HSPA4L: variants seen among roughly 807,000 people sequenced by gnomAD.
The protein encoded by HSPA4L is heat shock protein family A (Hsp70) member 4 like.
Under a neutral mutation model 100.3 loss-of-function variants are expected in HSPA4L, and 48 were observed. The observed-to-expected ratio is 0.48, with a 90% confidence interval of 0.38 to 0.61. The LOEUF (loss-of-function observed/expected upper bound fraction) is 0.61, where lower values mean the gene tolerates loss of function less well. Ranked by LOEUF, HSPA4L falls within the 20% of genes least tolerant of loss-of-function variation. The probability of loss-of-function intolerance (pLI) is 0.00; values close to 1 mark genes in which losing one functional copy is unlikely to be tolerated. For missense variants in HSPA4L, 886 were observed against 988.6 expected (o/e 0.90, Z 1.39); for synonymous variants, 319 against 328.2 (o/e 0.97, Z 0.30).
chr4:127,823,547 GAC>G lies in HSPA4L; in HGVS notation c.1973_1974del (p.Thr658ArgfsTer6). 6.2e-7 allele frequency: 1 copy of G among 1,613,142 alleles called. No homozygotes were observed. The highest frequency in any genetic ancestry group is 8.5e-7 in the Non-Finnish European group (1 of 1,179,202). ...GAGTAAACTGTCTGCAGTATTGGAA[GAC>G]ACAGAAAATTGGCTTTATGAAGACG... ...DLSKLSAVLE[D>X]TENWLYEDGE... On this transcript the variant is annotated frameshift_variant, in exon 16 of 19. Coordinates refer to ENST00000296464, the MANE Select transcript of HSPA4L (RefSeq NM_014278.4). LOFTEE classifies it high-confidence loss of function.
At chr4:127,802,780 T>C (rs993820528) in intron 6 of HSPA4L, among the ~76,000 whole-genome samples, 1 of 152,164 alleles carries the variant, frequency 6.6e-6, no homozygotes, top group Admixed American at 6.6e-5. Context: ...ATACTAGACT[T>C]CATGAGAGGT....
At chr4:127,783,513 A>G (rs1319417829) in intron 1 of HSPA4L, 6 of 1,481,246 alleles carry the variant, frequency 4.1e-6, no homozygotes, top group Non-Finnish European at 5.3e-6. Context: ...TCATGGAAAC[A>G]TGTTTCCACA....
intron 11 of HSPA4L, chr4:127,809,057 A>G (rs755265825): frequency 6.4e-5 from 34 of 532,784 alleles, no homozygotes; most frequent in Non-Finnish European, 7.4e-5. Context: ...TTACTGGATT[A>G]ATATGAAGGT....
intron 1 of HSPA4L, 30 bp from the exon 2 acceptor site, chr4:127,794,047 T>C: frequency 6.5e-7 from 1 of 1,540,330 alleles, no homozygotes. Context: ...AAAAGTACCA[T>C]GGAACAAACT....
chr4:127,833,033 C>G lies in HSPA4L; in HGVS notation c.*159C>G. On this transcript the variant is annotated 3_prime_UTR_variant, in exon 19 of 19. Transcript: ENST00000296464. ...AAAGTGTTTTATATTGAGTGCACTT[C>G]TGTTCATTTCCATTGCTGCTTATAT... 1 of 481,132 alleles carries G rather than the reference C, an allele frequency of 2.1e-6. No individual in the cohort carries two copies. The highest frequency in any genetic ancestry group is 3.2e-5 in the East Asian group (1 of 31,116). The allele number at this position is 481,132 out of a possible 1,614,324, so 29.8% of individuals were successfully genotyped here.
In HSPA4L at chr4:127,834,274, A is replaced by G. The variant is rs1364289152; in HGVS notation, c.*1400A>G. 1 of 152,200 alleles carries G rather than the reference A, an allele frequency of 6.6e-6. No homozygotes were observed. The highest frequency in any genetic ancestry group is 1.5e-5 in the Non-Finnish European group (1 of 68,010). The allele number at this position is 152,200 out of a possible 1,614,324, so 9.4% of individuals were successfully genotyped here. ...CTAGATTGACCTAGGTTAAAATTTCAAAAGGCTCATTTTCTCCCAAAGCTA... is the reference window on the plus strand; with the variant it reads ...CTAGATTGACCTAGGTTAAAATTTCGAAAGGCTCATTTTCTCCCAAAGCTA... On this transcript the variant is annotated 3_prime_UTR_variant, in exon 19 of 19. Coordinates refer to ENST00000296464, the MANE Select transcript of HSPA4L (RefSeq NM_014278.4).
At chr4:127,813,650 G>T (rs1483625780) in intron 12 of HSPA4L, among the ~76,000 whole-genome samples, 1 of 151,914 alleles carries the variant, frequency 6.6e-6, no homozygotes, top group African/African-American at 2.4e-5. Context: ...CTATTTTTTT[G>T]TTGTTGTTGT....
intron 10 of HSPA4L, among the ~76,000 whole-genome samples, chr4:127,807,611 C>T (rs1022045245): frequency 1.3e-5 from 2 of 151,910 alleles, no homozygotes; most frequent in African/African-American, 4.8e-5. Context: ...AAATTATTTG[C>T]AAACAAAAGT....
rs112767156 is a variant in HSPA4L at position 127,807,912 on chromosome 4, A to G, written c.1245-84A>G. ...GAGATTTTTGCAGTTGCTGCTAATG[A>G]ATTAAGAATGAAATGGATTCAGTAA... On this transcript the variant is annotated intron_variant, in intron 10 of 18. Transcript: ENST00000296464. 8.6e-4 allele frequency: 1,147 copies of G among 1,340,702 alleles called. 14 individuals are homozygous for G. In the African/African-American group the frequency reaches 0.016, roughly 18 times the overall value. 83.1% of individuals were successfully genotyped at this position (1,340,702 alleles called of 1,614,324 possible).
intron 3 of HSPA4L, among the ~76,000 whole-genome samples, chr4:127,796,289 A>G (rs542134280): frequency 2.6e-5 from 4 of 152,302 alleles, no homozygotes; most frequent in South Asian, 2.1e-4. Flanking sequence ...ATCTTATACT[A>G]TAAATGTTAA....
Position 127,837,537 on chromosome 4 carries a change from C to CT in HSPA4L, c.*4666dup, listed in dbSNP as rs1385928294. ...AAATCAGTCCACTTAGCAAACTAATCTTTGTAAAGCAGTCAGTTTCAGAAG... is the reference window on the plus strand; with the variant it reads ...AAATCAGTCCACTTAGCAAACTAATCTTTTGTAAAGCAGTCAGTTTCAGAAG... On this transcript the variant is annotated 3_prime_UTR_variant, in exon 19 of 19. Transcript: ENST00000296464. 2.6e-5 allele frequency: 4 copies of CT among 152,240 alleles called. No homozygotes were observed. Among genetic ancestry groups the CT allele is most frequent in the African/African-American group, 9.6e-5 (4 of 41,554 alleles). The allele number at this position is 152,240 out of a possible 1,614,324, so 9.4% of individuals were successfully genotyped here.
At chr4:127,817,369 T>G (rs1352749431) in intron 12 of HSPA4L, among the ~76,000 whole-genome samples, 1 of 152,178 alleles carries the variant, frequency 6.6e-6, no homozygotes, top group Non-Finnish European at 1.5e-5. Flanking sequence ...AATTAGCTCC[T>G]CTTTGGCAGA....
In HSPA4L at chr4:127,838,334, T is replaced by G. The variant is rs1332681802; in HGVS notation, c.*5460T>G. 1 of 152,218 alleles carries G rather than the reference T, an allele frequency of 6.6e-6. No homozygotes were observed. Among genetic ancestry groups the G allele is most frequent in the East Asian group, 1.9e-4 (1 of 5,200 alleles). The allele number at this position is 152,218 out of a possible 1,614,324, so 9.4% of individuals were successfully genotyped here. A position where few individuals can be genotyped will look rare whatever the true frequency, so the allele number is the denominator to read the frequency against. Reference sequence around the variant, plus strand: ...TGGGTGATGGCTCTTTCATCTTCCTTATCCCTAAAGATACTTCCAACATAT... The same window carrying G: ...TGGGTGATGGCTCTTTCATCTTCCTGATCCCTAAAGATACTTCCAACATAT... On this transcript the variant is annotated 3_prime_UTR_variant, in exon 19 of 19. Coordinates refer to ENST00000296464, the MANE Select transcript of HSPA4L (RefSeq NM_014278.4).
chr4:127,804,127 T>C (rs1560658804), intron 8 of HSPA4L, 40 bp downstream of exon 8: 1 of 1,492,818 alleles, frequency 6.7e-7, no homozygotes. Flanking sequence ...TGTACCATAA[T>C]GTTGCCTACT....
chr4:127,793,630 C>T (rs1732936285), intron 1 of HSPA4L, among the ~76,000 whole-genome samples: 1 of 152,176 alleles, frequency 6.6e-6, no homozygotes, highest in Non-Finnish European at 1.5e-5. Flanking sequence ...TCTCTTAATT[C>T]TCACATAACC....
chr4:127,793,358 C>A (rs1380156), intron 1 of HSPA4L, among the ~76,000 whole-genome samples: 107,788 of 151,918 alleles, frequency 0.71, 38,644 homozygotes, highest in Middle Eastern at 0.83. Flanking sequence ...TACATTCTCC[C>A]AGACAGGTAT....
In HSPA4L at chr4:127,811,500, A is replaced by T. The variant is rs1733528230; in HGVS notation, c.1442A>T (p.Lys481Ile). Residue 481 changes from lysine to isoleucine, a missense_variant, in exon 12 of 19, where the codon AAA (lysine) becomes ATA (isoleucine). Transcript: ENST00000296464. ...GGTGATAGTTCCAAAGTGAAGGTTA[A>T]AGTTCGTGTTAACATCCATGGAATC... Reference protein sequence around the residue: ...SDGDSSKVKVKVRVNIHGIFS... With the variant: ...SDGDSSKVKVIVRVNIHGIFS... 6.2e-7 allele frequency: 1 copy of T among 1,613,918 alleles called. No homozygotes were observed. The highest frequency in any genetic ancestry group is 8.5e-7 in the Non-Finnish European group (1 of 1,179,956).
chr4:127,813,087 A>G (rs1733582151), intron 12 of HSPA4L: 1 of 1,210,248 alleles, frequency 8.3e-7, no homozygotes, highest in African/African-American at 1.5e-5. Context: ...TGTCTACAAT[A>G]TCACCTTTCT....
intron 1 of HSPA4L, chr4:127,783,513 A>T: frequency 1.4e-6 from 2 of 1,481,364 alleles, no homozygotes; most frequent in Non-Finnish European, 1.8e-6. Context: ...TCATGGAAAC[A>T]TGTTTCCACA....
Sources: allele counts gnomAD v4.1 joint callset (sites outside exome capture counted in the v4.1 genomes callset), GRCh38; gene constraint gnomAD v4.1.1; transcripts MANE v1.5; gene names NCBI Gene and HGNC (gene_info 2026-07-23, HGNC 2026-07-21).